Variants in ENOX2 observed in about 807,000 individuals in gnomAD.
The protein encoded by ENOX2 is ecto-NOX disulfide-thiol exchanger 2.
ENOX2 carries 36 observed loss-of-function variants against 45.0 expected under a neutral mutation model. The observed-to-expected ratio is 0.80, with a 90% CI of 0.61 to 1.06. The LOEUF (loss-of-function observed/expected upper bound fraction) is 1.06. ENOX2 is among the 50% of genes least tolerant of loss of function. The pLI, the probability that ENOX2 is intolerant of heterozygous loss-of-function variation, is 0.00. For missense variants in ENOX2, 423 were observed against 462.5 expected (o/e 0.91, Z 0.78); for synonymous variants, 174 against 152.3 (o/e 1.14, Z -1.05).
At position 130,865,968 on chromosome X, in the gene ENOX2, G is replaced by A. The variant is rs770317648; in HGVS notation, c.-183+35716C>T. ...ATCACCTTTCTATATGTGGCCTCTC[G>A]ATTTTATATTTCTCATTCAAACCCC... On this transcript the variant is annotated intron_variant, in intron 2 of 14. Coordinates refer to ENST00000394363, the MANE Select transcript of ENOX2 (RefSeq NM_006375.4). 9.0e-5 allele frequency among the ~76,000 whole-genome samples: 10 copies of A among 110,834 alleles called. No homozygotes were observed. The South Asian group carries it at 3.8e-3, about 43-fold the overall frequency.
Position 130,723,520 on chromosome X carries a change from T to C in ENOX2, c.-38-20266A>G, listed in dbSNP as rs1227434741. ...ACTAGGAAATATAATTCATAAAGGA[T>C]GATAAAGGAATCAAAATTATCCAAT... On this transcript the variant is annotated intron_variant, in intron 3 of 14. Transcript: ENST00000394363. Among the ~76,000 whole-genome samples, 3 of 112,606 alleles carry C rather than the reference T, an allele frequency of 2.7e-5. No homozygotes were observed. The Admixed American group carries it at 2.8e-4, about 11-fold the overall frequency.
chrX:130,814,260 A>G (rs1367327434), intron 2 of ENOX2, among the ~76,000 whole-genome samples: 1 of 112,360 alleles, frequency 8.9e-6, no homozygotes, highest in East Asian at 2.8e-4. Flanking sequence ...GATTATAGAT[A>G]AAACTCCCAT....
rs374449705 is a variant in ENOX2 at position 130,693,969 on chromosome X, C to T, written c.98-4951G>A. Among the ~76,000 whole-genome samples, 23 of 111,622 alleles carry T rather than the reference C, an allele frequency of 2.1e-4. 1 individual carries two copies. Among genetic ancestry groups the T allele is most frequent in the Admixed American group, 1.8e-3 (19 of 10,532 alleles). On this transcript the variant is annotated intron_variant, in intron 4 of 14. Transcript: ENST00000394363. ...TAGAGCAAATGACAGAAGATGGATC[C>T]AGCTGAGCCCAGTCTTGTATCTGTC...
At chrX:130,651,330 C>G (rs2036393435) in intron 10 of ENOX2, among the ~76,000 whole-genome samples, 1 of 112,225 alleles carries the variant, frequency 8.9e-6, no homozygotes, top group Admixed American at 9.4e-5. Context: ...GAATCCTCAT[C>G]TACCATTTTC....
chrX:130,636,292 CG>C (rs1655390414), intron 11 of ENOX2, among the ~76,000 whole-genome samples: 2 of 112,456 alleles, frequency 1.8e-5, no homozygotes, highest in Admixed American at 1.9e-4. Flanking sequence ...TATTACTTGT[CG>C]TATAGGAAGA....
At chrX:130,892,736 G>T (rs1398307493) in intron 2 of ENOX2, among the ~76,000 whole-genome samples, 2 of 112,703 alleles carry the variant, frequency 1.8e-5, no homozygotes, top group Non-Finnish European at 3.8e-5. Flanking sequence ...CTAGAGTTTT[G>T]GCAACACAGT....
At chrX:130,792,582 C>T (rs928839036) in intron 2 of ENOX2, among the ~76,000 whole-genome samples, 13 of 111,375 alleles carry the variant, frequency 1.2e-4, no homozygotes, top group Admixed American at 3.8e-4. Context: ...ATCACGAGGT[C>T]GGGAGTTCGA....
At chrX:130,745,070 G>A (rs2039070365) in intron 3 of ENOX2, among the ~76,000 whole-genome samples, 1 of 111,682 alleles carries the variant, frequency 9.0e-6, no homozygotes, top group African/African-American at 3.3e-5. Flanking sequence ...TGTCTTCCAC[G>A]AAACCGGTCC....
chrX:130,739,636 A>C (rs1218028065), intron 3 of ENOX2, among the ~76,000 whole-genome samples: 1 of 112,241 alleles, frequency 8.9e-6, no homozygotes, highest in East Asian at 2.8e-4. Flanking sequence ...TTTCTTAACA[A>C]CCCACCGAGG....
At chrX:130,779,241 A>G (rs2039922718) in intron 3 of ENOX2, among the ~76,000 whole-genome samples, 1 of 112,439 alleles carries the variant, frequency 8.9e-6, no homozygotes, top group Non-Finnish European at 1.9e-5. Flanking sequence ...CAGCATCACC[A>G]AGGAAACATT....
At chrX:130,850,122 T>G (rs184375960) in intron 2 of ENOX2, among the ~76,000 whole-genome samples, 1 of 112,116 alleles carries the variant, frequency 8.9e-6, no homozygotes, top group African/African-American at 3.2e-5. Context: ...CAGTCCAACA[T>G]GTTGAATATC....
At chrX:130,815,689 G>A (rs2148456364) in intron 2 of ENOX2, among the ~76,000 whole-genome samples, 1 of 111,804 alleles carries the variant, frequency 8.9e-6, no homozygotes, top group South Asian at 3.7e-4. Context: ...TTAAAGACAA[G>A]CAAATACTGA....
chrX:130,896,295 A>G lies in ENOX2; in HGVS notation c.-183+5389T>C, dbSNP rs182068243. Among the ~76,000 whole-genome samples the G allele has an allele frequency of 4.1e-3, 457 of 111,491 alleles. 3 individuals are homozygous for G. The highest frequency in any genetic ancestry group is 0.014 in the African/African-American group (440 of 30,645). ...CTCTCATACTGTTTGTAAACAGAGA[A>G]GCAGATCATTTGCTTATCAGCTATC... On this transcript the variant is annotated intron_variant, in intron 2 of 14. Coordinates refer to ENST00000394363, the MANE Select transcript of ENOX2 (RefSeq NM_006375.4).
At chrX:130,667,448 G>A in intron 8 of ENOX2, 82 bp downstream of exon 8, 1 of 874,059 alleles carries the variant, frequency 1.1e-6, no homozygotes, top group East Asian at 3.1e-5. Flanking sequence ...GGATGGCTCT[G>A]GAGGCCTGAG....
rs1448717729 is a variant in ENOX2, at chrX:130,711,187, T to C, written c.-38-7933A>G. Reference sequence around the variant, plus strand: ...TTGGGGTCTGCATTAAGCCTGGGGCTCAAGGCTTTATCTTTTGCGTAGTAT... The same window carrying C: ...TTGGGGTCTGCATTAAGCCTGGGGCCCAAGGCTTTATCTTTTGCGTAGTAT... On this transcript the variant is annotated intron_variant, in intron 3 of 14. Transcript: ENST00000394363. Among the ~76,000 whole-genome samples the C allele has an allele frequency of 6.3e-5, 7 of 111,931 alleles. No individual in the cohort carries two copies. In the East Asian group the frequency reaches 2.0e-3, roughly 32 times the overall value.
At chrX:130,883,181 GCTCACTGTAAC>G (rs1190093634) in intron 2 of ENOX2, among the ~76,000 whole-genome samples, 1 of 111,605 alleles carries the variant, frequency 9.0e-6, no homozygotes, top group Non-Finnish European at 1.9e-5. Context: ...CATGGTCTCA[GCTCACTGTAAC>G]CTCTGCCTCC....
At chrX:130,733,330 A>G (rs2038781704) in intron 3 of ENOX2, among the ~76,000 whole-genome samples, 1 of 110,665 alleles carries the variant, frequency 9.0e-6, no homozygotes, top group African/African-American at 3.3e-5. Flanking sequence ...TGAGAGATCA[A>G]TATATACCTG....
chrX:130,717,919 TCTA>T (rs2038370841), intron 3 of ENOX2, among the ~76,000 whole-genome samples: 1 of 112,249 alleles, frequency 8.9e-6, no homozygotes, highest in East Asian at 2.8e-4. Context: ...TCTTTATAAT[TCTA>T]CTACATATGT....
Position 130,865,154 on chromosome X carries a change from A to C in ENOX2, c.-183+36530T>G, listed in dbSNP as rs1035996795. 2.7e-5 allele frequency among the ~76,000 whole-genome samples: 3 copies of C among 111,166 alleles called. No individual in the cohort carries two copies. In the East Asian group the frequency reaches 8.4e-4, roughly 31 times the overall value. On this transcript the variant is annotated intron_variant, in intron 2 of 14. Coordinates refer to ENST00000394363, the MANE Select transcript of ENOX2 (RefSeq NM_006375.4). Reference sequence around the variant, plus strand: ...GTTTAAACAAAAATCAGATTTCTTAATGACTGTGATTATAACTATTTAAAT... The same window carrying C: ...GTTTAAACAAAAATCAGATTTCTTACTGACTGTGATTATAACTATTTAAAT...
Sources: allele counts gnomAD v4.1 joint callset (sites outside exome capture counted in the v4.1 genomes callset), GRCh38; gene constraint gnomAD v4.1.1; transcripts MANE v1.5; gene names NCBI Gene and HGNC (gene_info 2026-07-23, HGNC 2026-07-21).